GEMIN8: variants seen among roughly 807,000 people sequenced by gnomAD.
The protein encoded by GEMIN8 is gem nuclear organelle associated protein 8.
For missense variants in GEMIN8, 185 were observed against 205.9 expected, an observed-to-expected ratio of 0.90 and a Z score of 0.62; for synonymous variants, 80 against 78.5, an observed-to-expected ratio of 1.02 and a Z score of -0.10.
chrX:14,006,326 G>T (rs1239353595), downstream of GEMIN8, among the ~76,000 whole-genome samples: 1 of 110,955 alleles, frequency 9.0e-6, no homozygotes, highest in Non-Finnish European at 1.9e-5. Flanking sequence ...ACCGCTCCCG[G>T]CCTGAGCTAG....
the GEMIN8 span, among the ~76,000 whole-genome samples, chrX:13,996,145 C>A: frequency 8.9e-6 from 1 of 111,738 alleles, no homozygotes; most frequent in Admixed American, 9.5e-5. Context: ...AAAGAGAAAT[C>A]ATAGAACCTA....
intron 4 of GEMIN8, 64 bp downstream of exon 4, chrX:14,020,014 A>G: frequency 1.6e-6 from 1 of 616,455 alleles, no homozygotes; most frequent in Admixed American, 3.1e-5. Context: ...TATATATTAG[A>G]GAAAAAAAAT....
At chrX:14,015,191 G>A (rs1241689272) in intron 4 of GEMIN8, among the ~76,000 whole-genome samples, 1 of 111,738 alleles carries the variant, frequency 8.9e-6, no homozygotes, top group African/African-American at 3.3e-5. Context: ...ACTCTCTTTT[G>A]AGGGTGACTT....
the GEMIN8 span, among the ~76,000 whole-genome samples, chrX:13,992,748 T>C: frequency 8.9e-6 from 1 of 111,792 alleles, no homozygotes; most frequent in African/African-American, 3.2e-5. Flanking sequence ...GTCCAGATCG[T>C]GCCATGCTTG....
chrX:14,008,720 A>C lies in GEMIN8; in HGVS notation c.*193T>G. 1 of 454,672 alleles carries C rather than the reference A, an allele frequency of 2.2e-6. No homozygotes were observed. The highest frequency in any genetic ancestry group is 3.8e-6 in the Non-Finnish European group (1 of 260,327). 37.5% of individuals were successfully genotyped at this position (454,672 alleles called of 1,213,427 possible). A position where few individuals can be genotyped will look rare whatever the true frequency, so the allele number is the denominator to read the frequency against. ...TCAGGAGAAAATTTATCATGTTGGC[A>C]ACAGAACATGTCCTGCAGACCTCCA... On this transcript the variant is annotated 3_prime_UTR_variant, in exon 5 of 5. Transcript: ENST00000680255.
Position 14,007,710 on chromosome X carries a change from G to C in GEMIN8, c.*1203C>G, listed in dbSNP as rs1453011546. On this transcript the variant is annotated 3_prime_UTR_variant, in exon 5 of 5. Coordinates refer to ENST00000680255, the MANE Select transcript of GEMIN8 (RefSeq NM_001042479.2). ...GCCCGGCTAATTTTTTGTATTTTTA[G>C]TAGAGATGGGGTTTCACCGTGTTAG... Among the ~76,000 whole-genome samples the C allele has an allele frequency of 1.8e-5, 2 of 109,270 alleles. No homozygotes were observed. The highest frequency in any genetic ancestry group is 3.8e-5 in the Non-Finnish European group (2 of 52,513). The allele number at this position is 109,270 out of a possible 115,157, so 94.9% of individuals were successfully genotyped here.
the GEMIN8 span, among the ~76,000 whole-genome samples, chrX:13,991,024 G>C: frequency 8.9e-6 from 1 of 112,573 alleles, no homozygotes; most frequent in South Asian, 3.6e-4. Flanking sequence ...GAGCCACTGC[G>C]CCTGGCCTGC....
At chrX:14,019,676 G>A (rs1304421079) in intron 4 of GEMIN8, among the ~76,000 whole-genome samples, 2 of 111,790 alleles carry the variant, frequency 1.8e-5, no homozygotes, top group East Asian at 5.6e-4. Flanking sequence ...TACTAGTTGT[G>A]TACCACGGAA....
chrX:14,017,707 A>G (rs1312448228), intron 4 of GEMIN8, among the ~76,000 whole-genome samples: 1 of 111,756 alleles, frequency 8.9e-6, no homozygotes, highest in African/African-American at 3.3e-5. Flanking sequence ...CAATCTTCAC[A>G]TGGTGTTTTC....
the GEMIN8 span, among the ~76,000 whole-genome samples, chrX:14,000,781 G>T: frequency 9.0e-6 from 1 of 111,219 alleles, no homozygotes; most frequent in African/African-American, 3.3e-5. Context: ...TATACTTTGG[G>T]TTACAATCTA....
At chrX:14,003,244 C>T (rs73438912), downstream of GEMIN8, among the ~76,000 whole-genome samples, 28,586 of 111,804 alleles carry the variant, frequency 0.26, 2,778 homozygotes, top group Non-Finnish European at 0.3. Context: ...ATGTACCTTC[C>T]ACTTCCTGTG....
rs575651297 is a variant in GEMIN8, at chrX:14,011,516, C to CTTTTTTTTTTTTTTTT, written c.473-2363_473-2348dup. ...TACCCATTACCAATCCTATGGCTCT[C>CTTTTTTTTTTTTTTTT]TTTTTTTTTTTTTTTTTTTTTTTTT... On this transcript the variant is annotated intron_variant, in intron 4 of 4. Transcript: ENST00000680255. Among the ~76,000 whole-genome samples, 21 of 60,385 alleles carry CTTTTTTTTTTTTTTTT rather than the reference C, an allele frequency of 3.5e-4. 4 individuals are homozygous for CTTTTTTTTTTTTTTTT. The highest frequency in any genetic ancestry group is 9.0e-4 in the African/African-American group (13 of 14,420). 52.4% of individuals were successfully genotyped at this position (60,385 alleles called of 115,157 possible). A position where few individuals can be genotyped will look rare whatever the true frequency, so the allele number is the denominator to read the frequency against.
chrX:14,016,670 C>T (rs369992909), intron 4 of GEMIN8, among the ~76,000 whole-genome samples: 17 of 105,067 alleles, frequency 1.6e-4, no homozygotes, highest in African/African-American at 5.6e-4. Context: ...CATGGTGAAA[C>T]ACCATCTCTA....
chrX:13,995,028 A>G, the GEMIN8 span, among the ~76,000 whole-genome samples: 1 of 111,894 alleles, frequency 8.9e-6, no homozygotes, highest in East Asian at 2.8e-4. Context: ...CAAAACATCA[A>G]AAGTAGGGAA....
intron 4 of GEMIN8, among the ~76,000 whole-genome samples, chrX:14,012,858 G>T (rs1166191924): frequency 3.2e-5 from 2 of 62,196 alleles, no homozygotes; most frequent in African/African-American, 6.4e-5. Context: ...GAGGGGCTAT[G>T]GGGGGGGGCA....
At chrX:14,001,897 C>T (rs1270376563), downstream of GEMIN8, among the ~76,000 whole-genome samples, 1 of 105,691 alleles carries the variant, frequency 9.5e-6, no homozygotes, top group Non-Finnish European at 2.0e-5. Flanking sequence ...CCGAGGTGGG[C>T]GGATCACCTG....
At chrX:14,020,889 T>G (rs781376122) in intron 3 of GEMIN8, among the ~76,000 whole-genome samples, 1 of 111,121 alleles carries the variant, frequency 9.0e-6, no homozygotes, top group African/African-American at 3.3e-5. Flanking sequence ...CCCACTGTAA[T>G]TAAATGACTA....
rs373093898 is a variant in GEMIN8 at position 14,008,961 on chromosome X, A to G, written c.681T>C (p.Cys227=). ...AAVQLSFDKH[C]DRKQPKYWPV... ...GCCAGTACTTGGGCTGCTTTCGGTC[A>G]CAGTGCTTGTCAAAGCTCAGCTGCA... is the stretch of plus-strand genomic sequence containing the variant. Residue 227 remains cysteine (C), a synonymous_variant, in exon 5 of 5, where the codon TGT becomes TGC. Transcript: ENST00000680255. The G allele has an allele frequency of 3.6e-5, 43 of 1,209,593 alleles. No homozygotes were observed. Among genetic ancestry groups the G allele is most frequent in the Non-Finnish European group, 4.6e-5 (41 of 894,341 alleles).
intron 4 of GEMIN8, among the ~76,000 whole-genome samples, chrX:14,010,215 C>A: frequency 8.9e-6 from 1 of 112,451 alleles, no homozygotes; most frequent in Non-Finnish European, 1.9e-5. Context: ...CAAGAAGTAT[C>A]TATTCAATTT....
Sources: gnomAD v4.1 joint callset for allele counts (sites outside exome capture counted in the v4.1 genomes callset) on GRCh38, gnomAD v4.1.1 for gene constraint, MANE v1.5 for transcripts, NCBI Gene and HGNC (gene_info 2026-07-23, HGNC 2026-07-21) for gene names.